DCC: variants seen among roughly 807,000 people sequenced by gnomAD.
DCC encodes the protein netrin receptor DCC.
A neutral mutation model predicts 172.5 loss-of-function variants in DCC; 58 were observed. The ratio of observed to expected loss-of-function variants is 0.34; its 90% CI spans 0.27 to 0.42. DCC has a LOEUF of 0.42. Ranked by LOEUF, DCC falls within the 10% of genes least tolerant of loss-of-function variation. The pLI, the probability that DCC is intolerant of heterozygous loss-of-function variation, is 1.00. For synonymous variants in DCC, 709 were observed against 644.5 expected, an observed-to-expected ratio of 1.10 and a Z score of -1.52; for missense variants, 1,740 against 1,791.0, an observed-to-expected ratio of 0.97 and a Z score of 0.51.
At chr18:53,030,331 C>A (rs2042010525) in intron 5 of DCC, among the ~76,000 whole-genome samples, 2 of 152,058 alleles carry the variant, frequency 1.3e-5, no homozygotes, top group South Asian at 4.1e-4. Flanking sequence ...ATATCTAGTG[C>A]AGGGAAGGTT....
intron 1 of DCC, among the ~76,000 whole-genome samples, chr18:52,704,651 C>T (rs1327734243): frequency 2.6e-5 from 4 of 152,214 alleles, no homozygotes; most frequent in African/African-American, 7.2e-5. Flanking sequence ...CAAACAACCA[C>T]CAGCTATCAG....
intron 7 of DCC, among the ~76,000 whole-genome samples, chr18:53,072,228 G>A (rs1330552346): frequency 2.0e-5 from 3 of 152,086 alleles, no homozygotes; most frequent in Non-Finnish European, 2.9e-5. Flanking sequence ...GGATCCCATT[G>A]GCATACTGGA....
intron 12 of DCC, among the ~76,000 whole-genome samples, chr18:53,230,991 T>TG (rs2056113771): frequency 1.5e-5 from 1 of 65,596 alleles, no homozygotes; most frequent in Admixed American, 1.4e-4. Context: ...AAAATTGGTG[T>TG]TTTTTTTTCT....
intron 1 of DCC, among the ~76,000 whole-genome samples, chr18:52,452,030 T>C (rs1988321271): frequency 1.3e-5 from 2 of 152,334 alleles, no homozygotes; most frequent in Admixed American, 1.3e-4. Flanking sequence ...TTACCTGCTC[T>C]GAATCAGTCC....
intron 15 of DCC, among the ~76,000 whole-genome samples, chr18:53,369,418 T>C (rs928457091): frequency 6.6e-6 from 1 of 151,904 alleles, no homozygotes; most frequent in African/African-American, 2.4e-5. Context: ...TAAGACTTTA[T>C]CATCTGCAAA....
In DCC at chr18:52,916,007, T is replaced by G. The variant is rs1301924029; in HGVS notation, c.698-7700T>G. ...TTAATAATAATATATATCTTTTGAG[T>G]TTTTTACCATGTTGGCTTAAGAATG... On this transcript the variant is annotated intron_variant, in intron 3 of 28. Coordinates refer to ENST00000442544, the MANE Select transcript of DCC (RefSeq NM_005215.4). Among the ~76,000 whole-genome samples the G allele has an allele frequency of 1.0e-4, 13 of 128,510 alleles. No individual in the cohort carries two copies. The Admixed American group carries it at 1.0e-3, about 10-fold the overall frequency. 84.3% of individuals were successfully genotyped at this position (128,510 alleles called of 152,430 possible).
intron 5 of DCC, among the ~76,000 whole-genome samples, chr18:52,990,257 G>A (rs2041363010): frequency 6.6e-6 from 1 of 151,882 alleles, no homozygotes; most frequent in African/African-American, 2.4e-5. Context: ...AATAAGCAAA[G>A]CGGGCAGGCG....
At chr18:52,506,962 A>C (rs538798615) in intron 1 of DCC, among the ~76,000 whole-genome samples, 1 of 152,310 alleles carries the variant, frequency 6.6e-6, no homozygotes, top group Non-Finnish European at 1.5e-5. Flanking sequence ...GATGGATTCT[A>C]TTGATTAAAG....
intron 2 of DCC, among the ~76,000 whole-genome samples, chr18:52,813,162 C>T (rs1598828997): frequency 1.3e-5 from 2 of 151,252 alleles, no homozygotes; most frequent in East Asian, 3.9e-4. Flanking sequence ...TATAAAATAT[C>T]ACAATTCCAG....
chr18:52,606,387 G>A (rs1272648430), intron 1 of DCC, among the ~76,000 whole-genome samples: 1 of 151,868 alleles, frequency 6.6e-6, no homozygotes, highest in East Asian at 1.9e-4. Context: ...CACATTTAAA[G>A]ACCTTATCCA....
At chr18:53,190,244 AC>A (rs774000016) in intron 9 of DCC, among the ~76,000 whole-genome samples, 1 of 152,090 alleles carries the variant, frequency 6.6e-6, no homozygotes, top group Non-Finnish European at 1.5e-5. Context: ...GATTTTTAAC[AC>A]CTGTGGCCTG....
In DCC at chr18:53,391,768, C is replaced by T. The variant is rs1285784777; in HGVS notation, c.2569C>T (p.His857Tyr). 1 of 1,614,028 alleles carries T rather than the reference C, an allele frequency of 6.2e-7. No homozygotes were observed. Among genetic ancestry groups the T allele is most frequent in the South Asian group, 1.1e-5 (1 of 91,080 alleles). The change falls in exon 17 of 29, where the codon CAT (histidine) becomes TAT (tyrosine). Residue 857 changes from histidine (H) to tyrosine (Y), a missense_variant. This residue lies in a region of DCC where 1,732 missense variants were observed against 1,767.4 expected (regional missense o/e 0.98). Transcript: ENST00000442544. ...AGGTGTACAGGCTGTGGCTCTTACCCATGATGCTGTGAGGGTCAGCTGGGC... is the reference window on the plus strand; with the variant it reads ...AGGTGTACAGGCTGTGGCTCTTACCTATGATGCTGTGAGGGTCAGCTGGGC... ...PVGVQAVALT[H>Y]DAVRVSWADN...
chr18:53,499,615 A>G (rs906943943), intron 27 of DCC, 105 bp downstream of exon 27: 31 of 944,706 alleles, frequency 3.3e-5, no homozygotes, highest in African/African-American at 2.7e-4. Flanking sequence ...TATCTTTTCA[A>G]TGCTGATTAC....
chr18:53,487,686 T>C (rs933525670), intron 26 of DCC, among the ~76,000 whole-genome samples: 2 of 152,156 alleles, frequency 1.3e-5, no homozygotes, highest in Non-Finnish European at 2.9e-5. Context: ...AAGGTATATT[T>C]TTCTAACCAA....
At chr18:52,641,568 A>C (rs2034891427) in intron 1 of DCC, among the ~76,000 whole-genome samples, 1 of 150,448 alleles carries the variant, frequency 6.6e-6, no homozygotes, top group Non-Finnish European at 1.5e-5. Flanking sequence ...TGAATAGATA[A>C]TTCTCAAAAG....
chr18:53,393,914 C>T (rs77045594), intron 17 of DCC, among the ~76,000 whole-genome samples: 33,522 of 108,004 alleles, frequency 0.31, 4,372 homozygotes, highest in South Asian at 0.44. Context: ...TCTCTCTCTC[C>T]CTCTCTCCCT....
chr18:52,788,347 T>C (rs959984509), intron 2 of DCC, among the ~76,000 whole-genome samples: 11 of 152,148 alleles, frequency 7.2e-5, no homozygotes, highest in Non-Finnish European at 1.5e-4. Flanking sequence ...ACTTTATGTA[T>C]CAGGTGTGGA....
intron 15 of DCC, among the ~76,000 whole-genome samples, chr18:53,351,303 A>AC (rs1491408270): frequency 1.0e-4 from 3 of 29,826 alleles, no homozygotes; most frequent in African/African-American, 1.9e-4. Flanking sequence ...ATATATATAT[A>AC]TATATATATA....
intron 26 of DCC, among the ~76,000 whole-genome samples, chr18:53,494,513 C>A (rs1470041743): frequency 1.3e-5 from 2 of 152,186 alleles, no homozygotes; most frequent in Admixed American, 6.5e-5. Context: ...GGTGCATATA[C>A]ATTTAGGATA....
Sources: allele counts gnomAD v4.1 joint callset (sites outside exome capture counted in the v4.1 genomes callset), GRCh38; gene constraint gnomAD v4.1.1; regional missense constraint gnomAD v4.1.1; transcripts MANE v1.5; gene names NCBI Gene and HGNC (gene_info 2026-07-23, HGNC 2026-07-21).